The following SOX5 variants were observed in gnomAD, a reference collection of about 807,000 sequenced individuals.
The protein encoded by SOX5 is SRY-box transcription factor 5, also known as transcription factor SOX-5.
SOX5 carries 9 observed loss-of-function variants against 92.0 expected under a neutral mutation model. That is an observed-to-expected ratio of 0.10 (90% CI 0.06 to 0.17). SOX5 has a LOEUF of 0.17. Among genes scored for constraint, SOX5 ranks in the 10% least tolerant of loss-of-function variants. The pLI is 1.00. For synonymous variants in SOX5, 344 were observed against 336.3 expected, an observed-to-expected ratio of 1.02 and a Z score of -0.25; for missense variants, 642 against 944.5, an observed-to-expected ratio of 0.68 and a Z score of 4.20.
intron 8 of SOX5, among the ~76,000 whole-genome samples, chr12:23,607,289 A>C (rs1166187896): frequency 6.6e-6 from 1 of 152,218 alleles, no homozygotes; most frequent in Non-Finnish European, 1.5e-5. Flanking sequence ...ACAAAAGCAA[A>C]AATGAACCCC....
In SOX5 at chr12:23,846,060, C is replaced by A; in HGVS notation, c.404G>T (p.Arg135Leu). The change falls in exon 3 of 15, where the codon CGC becomes CTC. Residue 135 changes from arginine to leucine, a missense_variant. This residue lies in a region of SOX5 where 29 missense variants were observed against 47.4 expected (regional missense o/e 0.61). Coordinates refer to ENST00000451604, the MANE Select transcript of SOX5 (RefSeq NM_006940.6). ...SSTALGTPER[R>L]KGSLADVVDT... ...AACAACATCAGCTAAACTGCCCTTGCGCCGTTCAGGAGTTCCCAGGGCTGT... is the reference window on the plus strand; with the variant it reads ...AACAACATCAGCTAAACTGCCCTTGAGCCGTTCAGGAGTTCCCAGGGCTGT... 1 of 1,614,048 alleles carries A rather than the reference C, an allele frequency of 6.2e-7. No homozygotes were observed. Among genetic ancestry groups the A allele is most frequent in the Non-Finnish European group, 8.5e-7 (1 of 1,179,972 alleles).
chr12:24,285,343 G>A (rs575691890), intron 2 of SOX5, among the ~76,000 whole-genome samples: 50 of 152,200 alleles, frequency 3.3e-4, no homozygotes, highest in African/African-American at 1.2e-3. Flanking sequence ...CCAGTATGCT[G>A]GTCCAATATT....
At chr12:24,312,317 A>G (rs1949261544) in intron 2 of SOX5, among the ~76,000 whole-genome samples, 1 of 151,868 alleles carries the variant, frequency 6.6e-6, no homozygotes, top group African/African-American at 2.4e-5. Flanking sequence ...AAAGTTCAAA[A>G]CTCTTTTTTT....
intron 6 of SOX5, among the ~76,000 whole-genome samples, chr12:23,685,281 G>T (rs1400424828): frequency 6.6e-6 from 1 of 151,954 alleles, no homozygotes; most frequent in Non-Finnish European, 1.5e-5. Context: ...ACAGAGAAAA[G>T]GGTAGAGAAA....
At chr12:23,688,390 A>G (rs539295850) in intron 6 of SOX5, among the ~76,000 whole-genome samples, 20 of 152,230 alleles carry the variant, frequency 1.3e-4, no homozygotes, top group Admixed American at 9.2e-4. Context: ...AAACACTGAA[A>G]TTTTACGTTT....
intron 1 of SOX5, among the ~76,000 whole-genome samples, chr12:24,428,865 GT>G (rs1225468259): frequency 6.0e-5 from 9 of 150,790 alleles, no homozygotes; most frequent in African/African-American, 2.2e-4. Context: ...TGGATTATGT[GT>G]ATGAGTGGGT....
At chr12:24,276,467 G>GT (rs1944444334) in intron 3 of SOX5, among the ~76,000 whole-genome samples, 1 of 152,092 alleles carries the variant, frequency 6.6e-6, no homozygotes, top group South Asian at 2.1e-4. Context: ...TTCTTTTCAG[G>GT]TATCAACGAA....
intron 1 of SOX5, among the ~76,000 whole-genome samples, chr12:23,933,371 G>T (rs1198072620): frequency 6.6e-6 from 1 of 151,536 alleles, no homozygotes; most frequent in African/African-American, 2.4e-5. Context: ...TGGGGGTTGT[G>T]GAGCATGTCT....
intron 3 of SOX5, among the ~76,000 whole-genome samples, chr12:23,765,600 T>G (rs6487358): frequency 0.99 from 149,976 of 151,904 alleles, 74,073 homozygotes; most frequent in East Asian, 1. Context: ...AAGGCAGTGG[T>G]TATAAAATTA....
chr12:23,582,812 G>A (rs1950225747), intron 9 of SOX5, among the ~76,000 whole-genome samples: 1 of 152,044 alleles, frequency 6.6e-6, no homozygotes, highest in Non-Finnish European at 1.5e-5. Context: ...TGCTAGTAGT[G>A]TGGTTGGGGA....
At chr12:24,472,712 G>A (rs1325063800) in intron 1 of SOX5, among the ~76,000 whole-genome samples, 1 of 152,130 alleles carries the variant, frequency 6.6e-6, no homozygotes, top group African/African-American at 2.4e-5. Flanking sequence ...GACACTCAGA[G>A]AAGCCTTCAG....
At chr12:24,026,304 A>G (rs1417876591) in intron 4 of SOX5, among the ~76,000 whole-genome samples, 1 of 152,104 alleles carries the variant, frequency 6.6e-6, no homozygotes, top group East Asian at 1.9e-4. Flanking sequence ...TATTCCGAGT[A>G]TAAAAGATTT....
At chr12:24,137,417 G>C (rs1285095934) in intron 4 of SOX5, among the ~76,000 whole-genome samples, 1 of 152,088 alleles carries the variant, frequency 6.6e-6, no homozygotes, top group African/African-American at 2.4e-5. Flanking sequence ...CGGATCACGA[G>C]GTCAGAAGTT....
intron 8 of SOX5, among the ~76,000 whole-genome samples, chr12:23,623,246 G>C (rs1450324959): frequency 2.0e-5 from 3 of 152,132 alleles, no homozygotes; most frequent in Admixed American, 6.6e-5. Flanking sequence ...ATGAACAGTA[G>C]AGACAGAAGC....
chr12:24,166,832 CA>C (rs1953470130), intron 4 of SOX5, among the ~76,000 whole-genome samples: 1 of 151,970 alleles, frequency 6.6e-6, no homozygotes, highest in Non-Finnish European at 1.5e-5. Flanking sequence ...TTTTTGCTAC[CA>C]AAAACAGTGT....
intron 9 of SOX5, among the ~76,000 whole-genome samples, chr12:23,583,869 T>C (rs1666107034): frequency 6.6e-6 from 1 of 152,154 alleles, no homozygotes; most frequent in African/African-American, 2.4e-5. Flanking sequence ...TTCCTGTTAG[T>C]TCCACTGGAA....
At chr12:24,134,979 A>G (rs933696545) in intron 4 of SOX5, among the ~76,000 whole-genome samples, 1 of 152,218 alleles carries the variant, frequency 6.6e-6, no homozygotes, top group Non-Finnish European at 1.5e-5. Flanking sequence ...GACTGAAAGA[A>G]AACAGCCTTG....
chr12:24,056,333 A>G (rs961255289), intron 4 of SOX5, among the ~76,000 whole-genome samples: 1 of 152,226 alleles, frequency 6.6e-6, no homozygotes, highest in African/African-American at 2.4e-5. Context: ...CTAACTCCTG[A>G]TGGATATAAA....
At chr12:24,113,254 A>AT (rs1327740880) in intron 4 of SOX5, among the ~76,000 whole-genome samples, 2 of 95,562 alleles carry the variant, frequency 2.1e-5, no homozygotes, top group Non-Finnish European at 4.8e-5. Flanking sequence ...ATGTAGAATC[A>AT]TAAAAAAAAA....
Sources: allele counts gnomAD v4.1 joint callset (sites outside exome capture counted in the v4.1 genomes callset), GRCh38; gene constraint gnomAD v4.1.1; regional missense constraint gnomAD v4.1.1; transcripts MANE v1.5; gene names NCBI Gene and HGNC (gene_info 2026-07-23, HGNC 2026-07-21).